RAB11FIP3: variants seen among roughly 807,000 people sequenced by gnomAD.
RAB11FIP3 encodes RAB11 family interacting protein 3.
In RAB11FIP3, 17 loss-of-function variants were observed where a neutral mutation model predicts 77.8. That is an observed-to-expected ratio of 0.22 (90% CI 0.15 to 0.33). The LOEUF is 0.33. RAB11FIP3 is among the 10% of genes least tolerant of loss of function. RAB11FIP3 has a pLI of 1.00. For missense variants in RAB11FIP3, 1,005 were observed against 1,011.2 expected (o/e 0.99, Z 0.08); for synonymous variants, 437 against 448.2 (o/e 0.98, Z 0.31).
rs1424242562 is a variant in RAB11FIP3, at chr16:520,413, C to T, written c.2017-46C>T. 5 of 1,607,082 alleles carry T rather than the reference C, an allele frequency of 3.1e-6. No individual in the cohort carries two copies. In the African/African-American group the frequency reaches 5.3e-5, roughly 17 times the overall value. Reference sequence around the variant, plus strand: ...CGGGCAGTCCTTGTCCCTGCTCAGCCACCAGCAGGGGCCACAGCCCAGTAG... The same window carrying T: ...CGGGCAGTCCTTGTCCCTGCTCAGCTACCAGCAGGGGCCACAGCCCAGTAG... On this transcript the variant is annotated intron_variant, in intron 12 of 13. Coordinates refer to ENST00000262305, the MANE Select transcript of RAB11FIP3 (RefSeq NM_014700.4).
chr16:444,883 G>C (rs1310584655), intron 1 of RAB11FIP3, among the ~76,000 whole-genome samples: 1 of 152,082 alleles, frequency 6.6e-6, no homozygotes, highest in Non-Finnish European at 1.5e-5. Context: ...GGGAGGCCAA[G>C]GCAGGTGGAA....
chr16:459,250 C>A (rs755139319), intron 1 of RAB11FIP3, among the ~76,000 whole-genome samples: 8 of 151,278 alleles, frequency 5.3e-5, no homozygotes, highest in Non-Finnish European at 7.4e-5. Flanking sequence ...CCTCAGCCTC[C>A]CGAGTAGCTG....
chr16:490,333 C>T (rs551980309), intron 5 of RAB11FIP3, among the ~76,000 whole-genome samples: 4 of 152,312 alleles, frequency 2.6e-5, no homozygotes, highest in South Asian at 2.1e-4. Flanking sequence ...GCTAGCACCA[C>T]CACAAAATCT....
intron 9 of RAB11FIP3, among the ~76,000 whole-genome samples, chr16:512,430 C>T (rs1302330646): frequency 6.6e-6 from 1 of 151,672 alleles, no homozygotes; most frequent in Non-Finnish European, 1.5e-5. Flanking sequence ...TTAGTAGAGA[C>T]GGGGTTTCAC....
At chr16:502,886 A>T (rs2141855227) in intron 6 of RAB11FIP3, 118 bp from the exon 7 acceptor site, 1 of 807,434 alleles carries the variant, frequency 1.2e-6, no homozygotes, top group East Asian at 2.5e-5. Flanking sequence ...TCAGGGGAGG[A>T]CCTGTCCCCT....
At chr16:509,304 C>G (rs1038353890) in intron 8 of RAB11FIP3, among the ~76,000 whole-genome samples, 22 of 152,264 alleles carry the variant, frequency 1.4e-4, no homozygotes, top group Non-Finnish European at 4.4e-5. Flanking sequence ...AGCTTTGGCT[C>G]TCTGCTCGCG....
Position 469,128 on chromosome 16 carries a change from C to T in RAB11FIP3, c.809-2167C>T, listed in dbSNP as rs984399117. Among the ~76,000 whole-genome samples the T allele has an allele frequency of 3.2e-4, 48 of 152,036 alleles. 1 individual carries two copies. The highest frequency in any genetic ancestry group is 9.2e-4 in the African/African-American group (38 of 41,468). On this transcript the variant is annotated intron_variant, in intron 2 of 13. Transcript: ENST00000262305. ...TAGCCCAGGCTGGAGTGCAGTGGCG[C>T]GATCTTGGTTCACTGCAACCTCTGC...
At chr16:470,400 T>G (rs556377903) in intron 2 of RAB11FIP3, among the ~76,000 whole-genome samples, 14 of 152,380 alleles carry the variant, frequency 9.2e-5, no homozygotes, top group African/African-American at 3.1e-4. Flanking sequence ...CCCAAAGTGC[T>G]GGGATTACAG....
At chr16:475,342 T>C (rs1445977267) in intron 3 of RAB11FIP3, among the ~76,000 whole-genome samples, 1 of 152,240 alleles carries the variant, frequency 6.6e-6, no homozygotes, top group East Asian at 1.9e-4. Flanking sequence ...CATCTTAACA[T>C]TGGTAATTTG....
At chr16:516,965 C>T (rs1036139274) in intron 9 of RAB11FIP3, among the ~76,000 whole-genome samples, 10 of 152,214 alleles carry the variant, frequency 6.6e-5, no homozygotes, top group Admixed American at 6.5e-4. Context: ...ACCCAGTGAG[C>T]GGCTTCCAGA....
chr16:460,589 C>T (rs927917975), intron 1 of RAB11FIP3, among the ~76,000 whole-genome samples: 3 of 152,038 alleles, frequency 2.0e-5, no homozygotes, highest in African/African-American at 2.4e-5. Flanking sequence ...CCCTACTTAG[C>T]GTTTATGATT....
At chr16:479,334 G>A (rs1339371986) in intron 3 of RAB11FIP3, among the ~76,000 whole-genome samples, 1 of 152,060 alleles carries the variant, frequency 6.6e-6, no homozygotes, top group Non-Finnish European at 1.5e-5. Context: ...TGAAGCTGCA[G>A]TGAGCCAAGA....
chr16:489,023 C>T, intron 5 of RAB11FIP3, 23 bp downstream of exon 5: 1 of 1,606,532 alleles, frequency 6.2e-7, no homozygotes. Context: ...TGTTCCAGCA[C>T]ACCCTCCTCC....
At chr16:488,101 C>G (rs1334367541) in intron 4 of RAB11FIP3, among the ~76,000 whole-genome samples, 1 of 152,200 alleles carries the variant, frequency 6.6e-6, no homozygotes, top group Non-Finnish European at 1.5e-5. Context: ...TATATTCGGG[C>G]CAGGCGTGGT....
At chr16:465,024 C>T (rs1016813996) in intron 2 of RAB11FIP3, among the ~76,000 whole-genome samples, 1 of 152,118 alleles carries the variant, frequency 6.6e-6, no homozygotes, top group Non-Finnish European at 1.5e-5. Context: ...GTGATGGGTA[C>T]GCCTGAGAGG....
intron 2 of RAB11FIP3, among the ~76,000 whole-genome samples, chr16:470,945 C>T (rs2055796636): frequency 6.6e-6 from 1 of 151,044 alleles, no homozygotes; most frequent in African/African-American, 2.4e-5. Flanking sequence ...TTTTTAAAGG[C>T]CATGGACAGT....
intron 8 of RAB11FIP3, among the ~76,000 whole-genome samples, chr16:510,065 G>A (rs545928485): frequency 4.1e-4 from 61 of 150,552 alleles, no homozygotes; most frequent in Admixed American, 9.2e-4. Flanking sequence ...GAGCGCACGC[G>A]TTGTGTGTAG....
rs530525336 is a variant in RAB11FIP3 at position 497,953 on chromosome 16, A to T, written c.1301+1094A>T. Among the ~76,000 whole-genome samples, 351 of 149,328 alleles carry T rather than the reference A, an allele frequency of 2.4e-3. 1 individual carries two copies. Among genetic ancestry groups the T allele is most frequent in the African/African-American group, 8.2e-3 (330 of 40,028 alleles). On this transcript the variant is annotated intron_variant, in intron 6 of 13. Coordinates refer to ENST00000262305, the MANE Select transcript of RAB11FIP3 (RefSeq NM_014700.4). ...CCCTGTCTCTACAAAAAAAAAAAAAAAATTAAAAATTAAAAATTAAAAAAA... is the reference window on the plus strand; with the variant it reads ...CCCTGTCTCTACAAAAAAAAAAAAATAATTAAAAATTAAAAATTAAAAAAA...
intron 5 of RAB11FIP3, among the ~76,000 whole-genome samples, chr16:492,362 T>C (rs72767828): frequency 0.23 from 14,613 of 63,082 alleles, 1,855 homozygotes; most frequent in East Asian, 0.49. Context: ...GAAGAGGGTC[T>C]TCCCGGGAGA....
Sources: gnomAD v4.1 joint callset for allele counts (sites outside exome capture counted in the v4.1 genomes callset) on GRCh38, gnomAD v4.1.1 for gene constraint, MANE v1.5 for transcripts, NCBI Gene and HGNC (gene_info 2026-07-23, HGNC 2026-07-21) for gene names.